The following LOXL2 variants were observed in gnomAD, a reference collection of about 807,000 sequenced individuals.
The protein encoded by LOXL2 is lysyl oxidase homolog 2.
LOXL2 carries 70 observed loss-of-function variants against 93.0 expected under a neutral mutation model. That is an observed-to-expected ratio of 0.75 (90% CI 0.62 to 0.92). The LOEUF (loss-of-function observed/expected upper bound fraction) is 0.92, where lower values mean the gene tolerates loss of function less well. Ranked by LOEUF, LOXL2 falls within the 40% of genes least tolerant of loss-of-function variation. The pLI, the probability that LOXL2 is intolerant of heterozygous loss-of-function variation, is 0.00. For missense variants in LOXL2, 973 were observed against 1,054.9 expected (o/e 0.92, Z 1.08); for synonymous variants, 438 against 413.2 (o/e 1.06, Z -0.73).
At chr8:23,319,069 T>C (rs149903187) in intron 8 of LOXL2, among the ~76,000 whole-genome samples, 13 of 152,276 alleles carry the variant, frequency 8.5e-5, no homozygotes, top group African/African-American at 3.1e-4. Context: ...AAGAGCAGGG[T>C]CTCCAAGCAT....
intron 9 of LOXL2, among the ~76,000 whole-genome samples, chr8:23,315,915 GA>G (rs149537891): frequency 0.017 from 2,663 of 152,280 alleles, 84 homozygotes; most frequent in African/African-American, 0.06. Context: ...GATAAATAAA[GA>G]AAAGGCCCCC....
chr8:23,298,313 A>G (rs1803072611), intron 13 of LOXL2, among the ~76,000 whole-genome samples, 191 bp from the exon 14 acceptor site: 1 of 152,262 alleles, frequency 6.6e-6, no homozygotes, highest in Non-Finnish European at 1.5e-5. Flanking sequence ...AAGTTGAGTG[A>G]ACGAGTGAAT....
intron 4 of LOXL2, among the ~76,000 whole-genome samples, chr8:23,335,402 C>G (rs1803773052): frequency 6.6e-6 from 1 of 152,086 alleles, no homozygotes; most frequent in Non-Finnish European, 1.5e-5. Context: ...TCACTTAAAA[C>G]AGTGCCCAGA....
At chr8:23,355,415 A>G (rs937002392) in intron 3 of LOXL2, among the ~76,000 whole-genome samples, 2 of 151,306 alleles carry the variant, frequency 1.3e-5, no homozygotes, top group African/African-American at 4.9e-5. Flanking sequence ...CCTGGTTAAG[A>G]TCTGGATCCA....
At chr8:23,362,624 T>C (rs547104674) in intron 2 of LOXL2, among the ~76,000 whole-genome samples, 1 of 152,226 alleles carries the variant, frequency 6.6e-6, no homozygotes, top group South Asian at 2.1e-4. Flanking sequence ...GTCCCAGCTA[T>C]TCAGGAGGCC....
intron 3 of LOXL2, among the ~76,000 whole-genome samples, chr8:23,356,611 C>T (rs1436951913): frequency 6.6e-6 from 1 of 152,100 alleles, no homozygotes; most frequent in African/African-American, 2.4e-5. Flanking sequence ...TCAGCGGCTA[C>T]CAAAGGGAAG....
intron 9 of LOXL2, among the ~76,000 whole-genome samples, chr8:23,313,180 A>T (rs1322088268): frequency 6.6e-6 from 1 of 152,224 alleles, no homozygotes; most frequent in Non-Finnish European, 1.5e-5. Flanking sequence ...TTCCATGCTC[A>T]TGGATAGGAA....
intron 4 of LOXL2, 79 bp from the exon 5 acceptor site, chr8:23,333,702 GA>G (rs1398110655): frequency 1.8e-6 from 2 of 1,129,338 alleles, no homozygotes; most frequent in African/African-American, 1.5e-5. Flanking sequence ...GGCAGAACAT[GA>G]GAGACTGGGC....
chr8:23,397,778 CAAAA>C (rs57059999), intron 1 of LOXL2, among the ~76,000 whole-genome samples: 4 of 90,756 alleles, frequency 4.4e-5, no homozygotes, highest in Admixed American at 1.3e-4. Flanking sequence ...GACTCTGTCT[CAAAA>C]AAAAAAAAAA....
Position 23,321,364 on chromosome 8 carries a change from G to A in LOXL2, c.1302+766C>T, listed in dbSNP as rs368875695. On this transcript the variant is annotated intron_variant, in intron 7 of 13. Transcript: ENST00000389131. The stretch of plus-strand genomic sequence containing the variant: ...AAGGAATCTGGACACTTCATGCACT[G>A]GGGGGCTTTTCTCATTTTCTAGAGA... Among the ~76,000 whole-genome samples, 11 of 152,326 alleles carry A rather than the reference G, an allele frequency of 7.2e-5. No individual in the cohort carries two copies. The East Asian group carries it at 1.9e-3, about 27-fold the overall frequency.
intron 1 of LOXL2, among the ~76,000 whole-genome samples, chr8:23,393,246 A>G (rs1269616247): frequency 2.0e-5 from 3 of 152,256 alleles, no homozygotes; most frequent in African/African-American, 7.2e-5. Flanking sequence ...AGAGACCCAG[A>G]TTAGCCAAAA....
At chr8:23,367,930 C>CCTCAGGGAAGGCCA in intron 2 of LOXL2, 67 bp downstream of exon 2, 1 of 1,350,518 alleles carries the variant, frequency 7.4e-7, no homozygotes, top group Non-Finnish European at 1.0e-6. Context: ...CCCAGGCTGA[C>CCTCAGGGAAGGCCA]CTCAGGGAAG....
At chr8:23,367,302 G>C (rs1018060707) in intron 2 of LOXL2, among the ~76,000 whole-genome samples, 1 of 152,080 alleles carries the variant, frequency 6.6e-6, no homozygotes, top group Non-Finnish European at 1.5e-5. Context: ...TCCCGCCTCC[G>C]TCTCCCAAAG....
chr8:23,352,354 G>T (rs1804108359), intron 3 of LOXL2, among the ~76,000 whole-genome samples: 1 of 152,146 alleles, frequency 6.6e-6, no homozygotes, highest in Non-Finnish European at 1.5e-5. Flanking sequence ...TGGGAATGGG[G>T]CCTCTATTTA....
At chr8:23,369,090 C>A (rs570354484) in intron 1 of LOXL2, among the ~76,000 whole-genome samples, 2 of 152,114 alleles carry the variant, frequency 1.3e-5, no homozygotes, top group African/African-American at 4.8e-5. Flanking sequence ...GGAGAAGGAG[C>A]GGGTCTGAAG....
chr8:23,387,622 T>A lies in LOXL2; in HGVS notation c.-84+16332A>T, dbSNP rs535396015. Among the ~76,000 whole-genome samples, 4 of 152,318 alleles carry A rather than the reference T, an allele frequency of 2.6e-5. No individual in the cohort carries two copies. In the East Asian group the frequency reaches 7.7e-4, roughly 29 times the overall value. ...CTTAGATTTTTCTAAGTCTCAGGATTTCATCTACCAAATGGAAACAATATG... is the reference window on the plus strand; with the variant it reads ...CTTAGATTTTTCTAAGTCTCAGGATATCATCTACCAAATGGAAACAATATG... On this transcript the variant is annotated intron_variant, in intron 1 of 13. Transcript: ENST00000389131.
intron 2 of LOXL2, among the ~76,000 whole-genome samples, chr8:23,362,458 G>A (rs1804312019): frequency 6.6e-6 from 1 of 152,182 alleles, no homozygotes; most frequent in South Asian, 2.1e-4. Context: ...AGGCTGGGCT[G>A]GGCACAGTTC....
At chr8:23,377,697 C>T (rs1204089179) in intron 1 of LOXL2, among the ~76,000 whole-genome samples, 1 of 152,068 alleles carries the variant, frequency 6.6e-6, no homozygotes, top group Non-Finnish European at 1.5e-5. Flanking sequence ...TATGTAATGG[C>T]CTTCTTTATC....
chr8:23,368,196 G>A lies in LOXL2; in HGVS notation c.156C>T (p.Asn52=), dbSNP rs139636976. 1.5e-4 allele frequency: 245 copies of A among 1,614,062 alleles called. 1 individual carries two copies. The African/African-American group carries it at 2.7e-3, about 18-fold the overall frequency. Residue 52 remains asparagine (N), a synonymous_variant, in exon 2 of 14, where the codon AAC becomes AAT. Coordinates refer to ENST00000389131, the MANE Select transcript of LOXL2 (RefSeq NM_002318.3). ...CCAGGCGCAGCTGAATCTTGGCCACGTTGGCGGGGGCCTGGGGCTGGTGAT... is the reference window on the plus strand; with the variant it reads ...CCAGGCGCAGCTGAATCTTGGCCACATTGGCGGGGGCCTGGGGCTGGTGAT... The part of the protein sequence containing the change: ...PEYHQPQAPA[N]VAKIQLRLAG...
Sources: allele counts gnomAD v4.1 joint callset (sites outside exome capture counted in the v4.1 genomes callset), GRCh38; gene constraint gnomAD v4.1.1; transcripts MANE v1.5; gene names NCBI Gene and HGNC (gene_info 2026-07-23, HGNC 2026-07-21).